Variants in GRID2 observed in about 807,000 individuals in gnomAD.
GRID2 encodes glutamate receptor ionotropic, delta-2.
GRID2 carries 33 observed loss-of-function variants against 114.8 expected under a neutral mutation model. The observed-to-expected ratio is 0.29, with a 90% CI of 0.22 to 0.38. The LOEUF (loss-of-function observed/expected upper bound fraction) is 0.38. Ranked by LOEUF, GRID2 falls within the 10% of genes least tolerant of loss-of-function variation. The probability of loss-of-function intolerance (pLI) is 1.00; values close to 1 mark genes in which losing one functional copy is unlikely to be tolerated. For missense variants in GRID2, 1,184 were observed against 1,257.7 expected, an observed-to-expected ratio of 0.94 and a Z score of 0.89; for synonymous variants, 505 against 449.9, an observed-to-expected ratio of 1.12 and a Z score of -1.55.
intron 4 of GRID2, among the ~76,000 whole-genome samples, chr4:93,150,349 T>C (rs1736624137): frequency 6.6e-6 from 1 of 152,142 alleles, no homozygotes; most frequent in African/African-American, 2.4e-5. Context: ...ATTACAAACA[T>C]TTCACACTGT....
intron 4 of GRID2, among the ~76,000 whole-genome samples, chr4:93,186,649 A>C (rs931637232): frequency 2.0e-5 from 3 of 152,188 alleles, no homozygotes; most frequent in Admixed American, 2.0e-4. Context: ...ATTTTAAATA[A>C]AATTTTCACA....
intron 1 of GRID2, among the ~76,000 whole-genome samples, chr4:92,397,406 A>G (rs1445629830): frequency 6.6e-6 from 1 of 150,602 alleles, no homozygotes; most frequent in Non-Finnish European, 1.5e-5. Flanking sequence ...AGAAGAAATA[A>G]TGGAGGAGGA....
intron 2 of GRID2, among the ~76,000 whole-genome samples, chr4:92,954,604 T>A (rs923200258): frequency 6.6e-6 from 1 of 151,428 alleles, no homozygotes; most frequent in South Asian, 2.1e-4. Context: ...TTTTTTTTTT[T>A]AATTTTCTTT....
rs562783998 is a variant in GRID2, at chr4:93,607,755, T to G, written c.2194-18514T>G. Among the ~76,000 whole-genome samples, 11 of 152,280 alleles carry G rather than the reference T, an allele frequency of 7.2e-5. No homozygotes were observed. In the East Asian group the frequency reaches 2.1e-3, roughly 29 times the overall value. On this transcript the variant is annotated intron_variant, in intron 13 of 15. Coordinates refer to ENST00000282020, the MANE Select transcript of GRID2 (RefSeq NM_001510.4). ...AAGCAGTATGCCCCTCATTTTATTT[T>G]GTACTCACCACTAATGAGTTTGGGT...
chr4:93,496,254 CTT>C (rs1273363165), intron 12 of GRID2, among the ~76,000 whole-genome samples: 2 of 151,614 alleles, frequency 1.3e-5, no homozygotes, highest in Non-Finnish European at 3.0e-5. Flanking sequence ...TTTCTTATAA[CTT>C]TTAATTTTGC....
At chr4:93,368,848 C>T (rs1179842444) in intron 8 of GRID2, among the ~76,000 whole-genome samples, 1 of 152,008 alleles carries the variant, frequency 6.6e-6, no homozygotes, top group Non-Finnish European at 1.5e-5. Flanking sequence ...TTCCACTTTA[C>T]GAAGTCGTAG....
chr4:93,239,930 T>C (rs536116817), intron 8 of GRID2, among the ~76,000 whole-genome samples: 12 of 151,816 alleles, frequency 7.9e-5, no homozygotes, highest in Non-Finnish European at 1.3e-4. Context: ...TCTTCTTGCT[T>C]CTTGTGTTCA....
chr4:92,366,217 A>G (rs1212146295), intron 1 of GRID2, among the ~76,000 whole-genome samples: 1 of 152,030 alleles, frequency 6.6e-6, no homozygotes, highest in Non-Finnish European at 1.5e-5. Context: ...GAAGCCAGCT[A>G]AGTGCCAATC....
chr4:93,053,729 C>A (rs2149283967), intron 2 of GRID2, among the ~76,000 whole-genome samples: 1 of 151,962 alleles, frequency 6.6e-6, no homozygotes, highest in South Asian at 2.1e-4. Context: ...ATTTAATCTG[C>A]TATAGCACAT....
intron 13 of GRID2, among the ~76,000 whole-genome samples, chr4:93,571,564 CT>C (rs1735934240): frequency 6.6e-6 from 1 of 151,870 alleles, no homozygotes; most frequent in Admixed American, 6.6e-5. Context: ...ATTTTAAAGC[CT>C]TTAATTGAAA....
chr4:93,777,831 GA>G (rs1317985007), downstream of GRID2, among the ~76,000 whole-genome samples: 1 of 152,156 alleles, frequency 6.6e-6, no homozygotes, highest in Non-Finnish European at 1.5e-5. Context: ...TACAAGCTTT[GA>G]AATATGAGTA....
chr4:93,583,769 T>C (rs1376713283), intron 13 of GRID2, among the ~76,000 whole-genome samples: 3 of 152,150 alleles, frequency 2.0e-5, no homozygotes, highest in African/African-American at 7.2e-5. Context: ...TCCATTCTCC[T>C]TCAGTTCTCA....
chr4:92,448,955 G>C (rs1305343228), intron 1 of GRID2, among the ~76,000 whole-genome samples: 1 of 151,870 alleles, frequency 6.6e-6, no homozygotes, highest in African/African-American at 2.4e-5. Context: ...TAGTCATATT[G>C]CTCATGTAAT....
At chr4:92,421,002 T>C (rs1731879422) in intron 1 of GRID2, among the ~76,000 whole-genome samples, 1 of 152,082 alleles carries the variant, frequency 6.6e-6, no homozygotes, top group East Asian at 1.9e-4. Context: ...TGAAGTTTTT[T>C]TTAATGTAAA....
At chr4:93,523,021 A>G (rs950142252) in intron 13 of GRID2, among the ~76,000 whole-genome samples, 1 of 152,268 alleles carries the variant, frequency 6.6e-6, no homozygotes, top group East Asian at 1.9e-4. Context: ...AGGGTCAGTT[A>G]GTGACCACTC....
chr4:93,183,200 A>C (rs1740065269), intron 4 of GRID2, among the ~76,000 whole-genome samples: 7 of 152,170 alleles, frequency 4.6e-5, no homozygotes, highest in Admixed American at 4.6e-4. Flanking sequence ...CAGTTTACTA[A>C]TTAAAAAAAA....
intron 2 of GRID2, among the ~76,000 whole-genome samples, chr4:92,967,999 C>A (rs1230614689): frequency 1.3e-5 from 2 of 151,816 alleles, no homozygotes; most frequent in South Asian, 4.1e-4. Context: ...AGTGCAGGAA[C>A]CTTGTGCGTC....
At chr4:93,113,418 G>T (rs777337119) in intron 4 of GRID2, among the ~76,000 whole-genome samples, 2 of 152,122 alleles carry the variant, frequency 1.3e-5, no homozygotes, top group African/African-American at 4.8e-5. Context: ...CTTAACCTTG[G>T]TTCCCAGACA....
intron 2 of GRID2, among the ~76,000 whole-genome samples, chr4:92,917,976 C>T (rs1464631670): frequency 6.6e-6 from 1 of 152,070 alleles, no homozygotes; most frequent in Non-Finnish European, 1.5e-5. Context: ...ATTCTTCCTA[C>T]CCATGAGCAT....
Sources: gnomAD v4.1 joint callset for allele counts (sites outside exome capture counted in the v4.1 genomes callset) on GRCh38, gnomAD v4.1.1 for gene constraint, MANE v1.5 for transcripts, NCBI Gene and HGNC (gene_info 2026-07-23, HGNC 2026-07-21) for gene names.